Variants in SACS observed in about 807,000 individuals in gnomAD.
The protein encoded by SACS is sacsin.
In SACS, 197 loss-of-function variants were observed where a neutral mutation model predicts 348.0. That is an observed-to-expected ratio of 0.57 (90% CI 0.50 to 0.64). The LOEUF is 0.64. Ranked by LOEUF, SACS falls within the 30% of genes least tolerant of loss-of-function variation. The pLI is 0.00. For synonymous variants in SACS, 1,985 were observed against 1,910.6 expected (o/e 1.04, Z -1.02); for missense variants, 4,999 against 5,360.8 (o/e 0.93, Z 2.11).
chr13:23,398,870 C>T (rs1363193756), intron 2 of SACS, among the ~76,000 whole-genome samples: 1 of 151,136 alleles, frequency 6.6e-6, no homozygotes, highest in Non-Finnish European at 1.5e-5. Flanking sequence ...CCCATCTCTA[C>T]TAAAATACAA....
chr13:23,405,212 T>A (rs555592770), intron 2 of SACS, among the ~76,000 whole-genome samples: 1 of 152,122 alleles, frequency 6.6e-6, no homozygotes, highest in East Asian at 1.9e-4. Context: ...CCAAAACAGA[T>A]ATATAAACCA....
intron 2 of SACS, among the ~76,000 whole-genome samples, chr13:23,387,385 C>T (rs958045862): frequency 1.3e-5 from 2 of 150,570 alleles, no homozygotes; most frequent in African/African-American, 2.4e-5. Context: ...TGGCGTGAAC[C>T]CGGGAGGCGG....
intron 6 of SACS, among the ~76,000 whole-genome samples, chr13:23,360,627 CCTTACTGCCTG>C (rs1425086522): frequency 1.3e-5 from 2 of 152,132 alleles, no homozygotes; most frequent in African/African-American, 2.4e-5. Flanking sequence ...ACCGCTGACC[CCTTACTGCCTG>C]CTTATAGGAA....
Position 23,337,357 on chromosome 13 carries a change from A to T in SACS, c.6519T>A (p.Ile2173=), listed in dbSNP as rs1457808759. The T allele has an allele frequency of 6.2e-7, 1 of 1,613,970 alleles. No individual in the cohort carries two copies. The highest frequency in any genetic ancestry group is 1.1e-5 in the South Asian group (1 of 91,074). The part of the protein sequence containing the change: ...MLERAVSVAE[I]NKSDHVAACL... Reference sequence around the variant, plus strand: ...ATGCAGCAACATGATCACTTTTATTAATTTCAGCTACTGACACTGCACGTT... The same window carrying T: ...ATGCAGCAACATGATCACTTTTATTTATTTCAGCTACTGACACTGCACGTT... Residue 2173 remains isoleucine, a synonymous_variant, in exon 10 of 10, where the codon ATT becomes ATA. Transcript: ENST00000382292.
chr13:23,422,348 C>G (rs1004521887), intron 1 of SACS, among the ~76,000 whole-genome samples: 17 of 152,022 alleles, frequency 1.1e-4, no homozygotes, highest in African/African-American at 3.9e-4. Flanking sequence ...TAAAGAAGTT[C>G]CAAACACACA....
chr13:23,365,038 G>T, intron 6 of SACS, 128 bp downstream of exon 6: 1 of 627,586 alleles, frequency 1.6e-6, no homozygotes, highest in East Asian at 2.8e-5. Flanking sequence ...AAAAACATCT[G>T]AAGAAGTGGA....
chr13:23,331,309 TTCAGCA>T lies in SACS; in HGVS notation c.12561_12566del (p.Asp4187_Ala4188del), dbSNP rs766087059. 10 of 1,613,898 alleles carry T rather than the reference TTCAGCA, an allele frequency of 6.2e-6. No homozygotes were observed. ...GGTATGATCCATAGATATCACCACC[TTCAGCA>T]TCAACAAGGTACCCAACATATTCTC... On this transcript the variant is annotated inframe_deletion, in exon 10 of 10. Coordinates refer to ENST00000382292, the MANE Select transcript of SACS (RefSeq NM_014363.6).
chr13:23,341,686 T>G lies in SACS; in HGVS notation c.2190A>C (p.Arg730Ser). The G allele has an allele frequency of 6.2e-7, 1 of 1,612,230 alleles. No homozygotes were observed. Among genetic ancestry groups the G allele is most frequent in the Non-Finnish European group, 8.5e-7 (1 of 1,179,438 alleles). The change falls in exon 10 of 10, where the codon AGA becomes AGC. Residue 730 changes from arginine to serine, a missense_variant. By Grantham distance (110) the Arg-to-Ser change is moderately radical. Transcript: ENST00000382292. ...TTAGAAGCTGCAGCTGAGTACATGG[T>G]CTTCCTGTAAATCATACACAGAAAT... is the stretch of plus-strand genomic sequence containing the variant. ...ALKEAAQTRG[R>S]PCTQLQLLNP...
rs1299116745 is a variant in SACS at position 23,334,442 on chromosome 13, T to G, written c.9434A>C (p.Glu3145Ala). The change falls in exon 10 of 10, where the codon GAA becomes GCA. Residue 3145 changes from glutamate (E) to alanine (A), a missense_variant. By Grantham distance (107) the Glu-to-Ala change is moderately radical. Coordinates refer to ENST00000382292, the MANE Select transcript of SACS (RefSeq NM_014363.6). ...CAATCCCTCAACTTCAATCTCATTT[T>G]CTTCTGCATCTTTAAAACAATAATC... The part of the protein sequence containing the change: ...LVDYCFKDAE[E>A]NEIEVEGLPL... 1 of 1,612,606 alleles carries G rather than the reference T, an allele frequency of 6.2e-7. No homozygotes were observed. Among genetic ancestry groups the G allele is most frequent in the Admixed American group, 1.7e-5 (1 of 59,964 alleles).
chr13:23,403,243 C>G (rs1418993093), intron 2 of SACS, among the ~76,000 whole-genome samples: 3 of 152,078 alleles, frequency 2.0e-5, no homozygotes, highest in African/African-American at 4.8e-5. Flanking sequence ...CACGTCTCTG[C>G]CAGGTTTTGG....
In SACS at chr13:23,371,266, A is replaced by ATAAC. The variant is rs375787459; in HGVS notation, c.172-102_172-101insGTTA. 1.3e-5 allele frequency: 7 copies of ATAAC among 537,228 alleles called. No homozygotes were observed. The East Asian group carries it at 2.3e-4, about 17-fold the overall frequency. 33.3% of individuals were successfully genotyped at this position (537,228 alleles called of 1,614,324 possible). A position where few individuals can be genotyped will look rare whatever the true frequency, so the allele number is the denominator to read the frequency against. On this transcript the variant is annotated intron_variant, in intron 3 of 9. Coordinates refer to ENST00000382292, the MANE Select transcript of SACS (RefSeq NM_014363.6). ...TTTTTTCACTTAAGTAATGCTTGTTAAGTCTTCTTATCATGAAGGAAGTTG... is the reference window on the plus strand; with the variant it reads ...TTTTTTCACTTAAGTAATGCTTGTTATAACAGTCTTCTTATCATGAAGGAAGTTG...
Position 23,340,869 on chromosome 13 carries a change from A to G in SACS, c.3007T>C (p.Phe1003Leu). ...KLVLKDIENA[F>L]YSHEEVTQLM... ...TGTGTTACCTCTTCATGTGAATAAA[A>G]TGCATTTTCAATATCTTTTAAAACA... Residue 1003 changes from phenylalanine to leucine, a missense_variant, in exon 10 of 10, where the codon TTT (phenylalanine) becomes CTT (leucine). By Grantham distance (22) the Phe-to-Leu change is conservative. Around this residue, in one of 6 missense-constraint regions of SACS, gnomAD observed 3,156 missense variants for 3,380.1 expected, o/e 0.93. Coordinates refer to ENST00000382292, the MANE Select transcript of SACS (RefSeq NM_014363.6). 1 of 1,608,692 alleles carries G rather than the reference A, an allele frequency of 6.2e-7. No individual in the cohort carries two copies.
At chr13:23,362,043 G>C (rs1324168981) in intron 6 of SACS, among the ~76,000 whole-genome samples, 1 of 152,202 alleles carries the variant, frequency 6.6e-6, no homozygotes, top group Non-Finnish European at 1.5e-5. Context: ...AATAAGCTTG[G>C]AATTTATATA....
At position 23,380,686 on chromosome 13, in the gene SACS, C is replaced by A. The variant is rs890648229; in HGVS notation, c.21-5417G>T. Among the ~76,000 whole-genome samples, 4 of 152,274 alleles carry A rather than the reference C, an allele frequency of 2.6e-5. No homozygotes were observed. The South Asian group carries it at 6.2e-4, about 24-fold the overall frequency. On this transcript the variant is annotated intron_variant, in intron 2 of 9. Transcript: ENST00000382292. Reference sequence around the variant, plus strand: ...TTTCTACTTTACACATGATGAAAGACAGAGTCAGGAACGTTGTAATTGCCC... The same window carrying A: ...TTTCTACTTTACACATGATGAAAGAAAGAGTCAGGAACGTTGTAATTGCCC...
In SACS at chr13:23,335,407, T is replaced by C; in HGVS notation, c.8469A>G (p.Arg2823=). 1.9e-6 allele frequency: 3 copies of C among 1,613,976 alleles called. No individual in the cohort carries two copies. Among genetic ancestry groups the C allele is most frequent in the Non-Finnish European group, 2.5e-6 (3 of 1,179,896 alleles). ...CTTTCTCCATACTTGAAAAGCCTGA[T>C]CTATTACAAATTAGCCACGTAGTAA... The part of the protein sequence containing the change: ...GNLTTWLICN[R]SGFSSMEKVS... Residue 2823 remains arginine (R), a synonymous_variant, in exon 10 of 10, where the codon AGA becomes AGG. Transcript: ENST00000382292. The surrounding 1 kb of genome is among the most constrained non-coding windows in gnomAD (Gnocchi z 4.7).
chr13:23,399,217 A>G (rs1352777007), intron 2 of SACS, among the ~76,000 whole-genome samples: 1 of 152,012 alleles, frequency 6.6e-6, no homozygotes. Flanking sequence ...GAAACATCCC[A>G]AACTCCTCCC....
chr13:23,372,112 A>G (rs899478823), intron 3 of SACS, among the ~76,000 whole-genome samples: 1 of 152,210 alleles, frequency 6.6e-6, no homozygotes, highest in Non-Finnish European at 1.5e-5. Flanking sequence ...GTTGTGAAGA[A>G]TGGTCCTCCT....
chr13:23,382,949 C>G (rs1481423120), intron 2 of SACS, among the ~76,000 whole-genome samples: 7 of 135,086 alleles, frequency 5.2e-5, no homozygotes, highest in Admixed American at 8.6e-5. Flanking sequence ...ACCACCATGC[C>G]CAGCTAATTT....
intron 9 of SACS, among the ~76,000 whole-genome samples, chr13:23,345,197 G>A (rs953908191): frequency 6.6e-5 from 10 of 152,148 alleles, no homozygotes; most frequent in Non-Finnish European, 1.5e-4. Flanking sequence ...ATGCCCTACT[G>A]AGCACAGAGA....
Sources: allele counts gnomAD v4.1 joint callset (sites outside exome capture counted in the v4.1 genomes callset), GRCh38; gene constraint gnomAD v4.1.1; regional missense constraint gnomAD v4.1.1; non-coding constraint Gnocchi (gnomAD v3.1); transcripts MANE v1.5; gene names NCBI Gene and HGNC (gene_info 2026-07-23, HGNC 2026-07-21).